SPTBN4: variants seen among roughly 807,000 people sequenced by gnomAD.
SPTBN4 encodes spectrin beta, non-erythrocytic 4, also known as spectrin beta chain, non-erythrocytic 4.
A neutral mutation model predicts 277.8 loss-of-function variants in SPTBN4; 96 were observed. The observed-to-expected ratio is 0.35, with a 90% CI of 0.29 to 0.41. The LOEUF (loss-of-function observed/expected upper bound fraction) is 0.41. Among genes scored for constraint, SPTBN4 ranks in the 10% least tolerant of loss-of-function variants. The pLI is 1.00. For missense variants in SPTBN4, 3,006 were observed against 3,595.7 expected (o/e 0.84, Z 4.19); for synonymous variants, 1,481 against 1,580.3 (o/e 0.94, Z 1.49).
At chr19:40,489,958 C>T in intron 3 of SPTBN4, 117 bp from the exon 4 acceptor site, 1 of 1,060,976 alleles carries the variant, frequency 9.4e-7, no homozygotes. Flanking sequence ...CAGCCTGATC[C>T]TGGACACTCA....
rs765847441 is a variant in SPTBN4, at chr19:40,554,185, G to A, written c.4713G>A (p.Leu1571=). ...RREIQAHGPR[L]EEVLERAGAL... The stretch of plus-strand genomic sequence containing the variant: ...AGATCCAGGCGCATGGGCCGCGCCT[G>A]GAGGAGGTGCTGGAGCGCGCGGGCG... Residue 1571 remains leucine, a synonymous_variant, in exon 23 of 36, where the codon CTG becomes CTA. Transcript: ENST00000598249. This position sits in a 1 kb window ranked among gnomAD's most constrained non-coding sequence, Gnocchi z 5.7. 3 of 1,460,406 alleles carry A rather than the reference G, an allele frequency of 2.1e-6. No homozygotes were observed. The highest frequency in any genetic ancestry group is 2.7e-6 in the Non-Finnish European group (3 of 1,120,768). 90.5% of individuals were successfully genotyped at this position (1,460,406 alleles called of 1,614,324 possible). A position where few individuals can be genotyped will look rare whatever the true frequency, so the allele number is the denominator to read the frequency against.
At chr19:40,570,872 T>A in intron 33 of SPTBN4, 144 bp downstream of exon 33, 1 of 695,518 alleles carries the variant, frequency 1.4e-6, no homozygotes, top group Non-Finnish European at 1.9e-6. Context: ...AGCTGGGGGG[T>A]GGTGGTGGCT....
Position 40,565,678 on chromosome 19 carries a change from C to T in SPTBN4, c.6072C>T (p.Asp2024=). 1 of 1,556,024 alleles carries T rather than the reference C, an allele frequency of 6.4e-7. No individual in the cohort carries two copies. The highest frequency in any genetic ancestry group is 8.7e-7 in the Non-Finnish European group (1 of 1,149,256). Residue 2024 remains aspartate, a synonymous_variant, in exon 29 of 36, where the codon GAC becomes GAT. Coordinates refer to ENST00000598249, the MANE Select transcript of SPTBN4 (RefSeq NM_020971.3). The part of the protein sequence containing the change: ...AMADEIQAQL[D]KLGTRKEEVS... ...ACTCCCAGATCCAGGCACAGCTGGA[C>T]AAGCTGGGAACCAGGAAGGAGGAGG...
At chr19:40,526,881 GC>G (rs1216287521) in intron 17 of SPTBN4, among the ~76,000 whole-genome samples, 1 of 152,182 alleles carries the variant, frequency 6.6e-6, no homozygotes. Flanking sequence ...GAGCCATCGT[GC>G]CCGGCCTACT....
In SPTBN4 at chr19:40,502,675, A is replaced by T. The variant is rs572364742; in HGVS notation, c.1204-100A>T. On this transcript the variant is annotated intron_variant, in intron 10 of 35. Transcript: ENST00000598249. This position sits in a 1 kb window ranked among gnomAD's most constrained non-coding sequence, Gnocchi z 4.9. ...GGAAGCAATATTTTTTCCAATTTGC[A>T]TGAAGTTGCCATAATGCTATGAGTG... The T allele has an allele frequency of 6.6e-7, 1 of 1,520,084 alleles. No homozygotes were observed. The highest frequency in any genetic ancestry group is 2.1e-5 in the Admixed American group (1 of 47,052). The allele number at this position is 1,520,084 out of a possible 1,614,324, so 94.2% of individuals were successfully genotyped here.
In SPTBN4 at chr19:40,567,193, G is replaced by A. The variant is rs1000362659; in HGVS notation, c.6337-470G>A. ...CCTGTAGTCCCAGCTACTCAGAGGG[G>A]TGACTGAGACTCGAGGATCACTTGA... On this transcript the variant is annotated intron_variant, in intron 30 of 35. Coordinates refer to ENST00000598249, the MANE Select transcript of SPTBN4 (RefSeq NM_020971.3). 4.6e-5 allele frequency: 21 copies of A among 452,080 alleles called. No individual in the cohort carries two copies. The Admixed American group carries it at 4.7e-4, about 10-fold the overall frequency. The allele number at this position is 452,080 out of a possible 1,614,324, so 28.0% of individuals were successfully genotyped here.
chr19:40,537,604 A>G (rs2080753407), intron 20 of SPTBN4, among the ~76,000 whole-genome samples: 1 of 152,124 alleles, frequency 6.6e-6, no homozygotes, highest in African/African-American at 2.4e-5. Context: ...CTCCTCCCCA[A>G]CAGCCCCATG....
rs71173641 is a variant in SPTBN4 at position 40,474,151 on chromosome 19, C to CAAAA, written c.169+1386_169+1389dup. On this transcript the variant is annotated intron_variant, in intron 2 of 35. Transcript: ENST00000598249. ...CCAGCAGTAAAGCAAGAACCTATCTCAAAAAAAAAAAAAAAAAAAAAAAAA... is the reference window on the plus strand; with the variant it reads ...CCAGCAGTAAAGCAAGAACCTATCTCAAAAAAAAAAAAAAAAAAAAAAAAAAAAA... 1.7e-4 allele frequency among the ~76,000 whole-genome samples: 6 copies of CAAAA among 34,450 alleles called. 1 individual carries two copies. The highest frequency in any genetic ancestry group is 5.3e-4 in the African/African-American group (4 of 7,600). The allele number at this position is 34,450 out of a possible 152,430, so 22.6% of individuals were successfully genotyped here.
At chr19:40,569,426 CAAAAAAA>C (rs58192016) in intron 31 of SPTBN4, among the ~76,000 whole-genome samples, 1 of 120,770 alleles carries the variant, frequency 8.3e-6, no homozygotes, top group Non-Finnish European at 1.7e-5. Flanking sequence ...GACTCCGTCT[CAAAAAAA>C]AAAAAAAAAA....
chr19:40,548,577 T>C (rs1166449664), intron 20 of SPTBN4, among the ~76,000 whole-genome samples: 1 of 152,038 alleles, frequency 6.6e-6, no homozygotes, highest in Non-Finnish European at 1.5e-5. Context: ...TAGCCGGGCA[T>C]GATGGCAGGT....
chr19:40,487,840 G>A lies in SPTBN4; in HGVS notation c.313G>A (p.Glu105Lys). The part of the protein sequence containing the change: ...LTRLLEVLSG[E>K]QLPRPTRGRM... ...GCGGCTCCTGGAAGTGCTGTCTGGG[G>A]AGCAGCTGGTGAGGGGGCCTGAAGG... The change falls in exon 3 of 36, where the codon GAG (glutamate) becomes AAG (lysine). Residue 105 changes from glutamate (E) to lysine (K), a missense_variant. Physicochemically the swap from Glu to Lys is moderately conservative, Grantham distance 56. Coordinates refer to ENST00000598249, the MANE Select transcript of SPTBN4 (RefSeq NM_020971.3). 6.2e-7 allele frequency: 1 copy of A among 1,604,254 alleles called. No individual in the cohort carries two copies. The highest frequency in any genetic ancestry group is 8.5e-7 in the Non-Finnish European group (1 of 1,175,512).
intron 5 of SPTBN4, 107 bp from the exon 6 acceptor site, chr19:40,494,790 C>G: frequency 1.1e-6 from 1 of 949,922 alleles, no homozygotes; most frequent in South Asian, 1.6e-5. Context: ...TCTACCCCCT[C>G]TCTCTCATCT....
chr19:40,478,949 C>T (rs902114423), intron 2 of SPTBN4, among the ~76,000 whole-genome samples: 11 of 152,208 alleles, frequency 7.2e-5, no homozygotes, highest in Non-Finnish European at 1.6e-4. Context: ...AGAGGAACTC[C>T]AGACCCCAAA....
intron 30 of SPTBN4, 55 bp downstream of exon 30, chr19:40,566,414 C>A: frequency 7.0e-7 from 1 of 1,428,796 alleles, no homozygotes; most frequent in Non-Finnish European, 9.3e-7. Context: ...ACCCCCACAC[C>A]CATGGCTCTA....
chr19:40,500,987 A>G (rs974733377), intron 7 of SPTBN4, among the ~76,000 whole-genome samples: 9 of 152,234 alleles, frequency 5.9e-5, no homozygotes, highest in Admixed American at 5.9e-4. Context: ...AAATTGTGAT[A>G]CATTCTGGGA....
At chr19:40,566,064 T>C in intron 29 of SPTBN4, 99 bp from the exon 30 acceptor site, 1 of 1,292,232 alleles carries the variant, frequency 7.7e-7, no homozygotes, top group South Asian at 1.6e-5. Flanking sequence ...GGCTCGGGTA[T>C]GGAAAGCCGG....
chr19:40,499,259 C>G (rs1675396), intron 7 of SPTBN4, among the ~76,000 whole-genome samples: 64,797 of 150,666 alleles, frequency 0.43, 14,896 homozygotes, highest in African/African-American at 0.6. Flanking sequence ...AGGCTAGTCT[C>G]AAACTCCTGA....
intron 6 of SPTBN4, among the ~76,000 whole-genome samples, chr19:40,495,261 G>GC (rs2080183453): frequency 6.6e-6 from 1 of 152,002 alleles, no homozygotes; most frequent in Non-Finnish European, 1.5e-5. Flanking sequence ...AGATACCCAC[G>GC]CACGTGCACA....
chr19:40,511,124 G>C (rs1034133838), intron 13 of SPTBN4, among the ~76,000 whole-genome samples: 4 of 152,078 alleles, frequency 2.6e-5, no homozygotes, highest in African/African-American at 9.7e-5. Flanking sequence ...AATACTTCCA[G>C]GCTGGGCGCG....
Sources: gnomAD v4.1 joint callset for allele counts (sites outside exome capture counted in the v4.1 genomes callset) on GRCh38, gnomAD v4.1.1 for gene constraint, Gnocchi (gnomAD v3.1) non-coding constraint, MANE v1.5 for transcripts, NCBI Gene and HGNC (gene_info 2026-07-23, HGNC 2026-07-21) for gene names.